GYS2: variants seen among roughly 807,000 people sequenced by gnomAD.
GYS2 encodes the protein glycogen [starch] synthase, liver.
GYS2 carries 80 observed loss-of-function variants against 85.6 expected under a neutral mutation model. That is an observed-to-expected ratio of 0.93 (90% CI 0.78 to 1.13). The LOEUF is 1.13. Ranked by LOEUF, GYS2 falls within the 50% of genes most tolerant of loss-of-function variation. The pLI, the probability that GYS2 is intolerant of heterozygous loss-of-function variation, is 0.00. For missense variants in GYS2, 881 were observed against 854.9 expected (o/e 1.03, Z -0.38); for synonymous variants, 328 against 300.7 (o/e 1.09, Z -0.94).
At chr12:21,568,832 C>T (rs745486449) in intron 5 of GYS2, 33 bp downstream of exon 5, 23 of 1,592,032 alleles carry the variant, frequency 1.4e-5, no homozygotes, top group Non-Finnish European at 1.8e-5. Context: ...TCATTCGGAA[C>T]TGAAAGATAG....
intron 3 of GYS2, 118 bp from the exon 4 acceptor site, chr12:21,574,444 C>A: frequency 1.3e-6 from 1 of 741,430 alleles, no homozygotes; most frequent in Non-Finnish European, 2.3e-6. Context: ...TTAAAGGAGT[C>A]GAAACATAAA....
chr12:21,542,403 G>A, intron 13 of GYS2, 93 bp downstream of exon 13: 1 of 820,204 alleles, frequency 1.2e-6, no homozygotes, highest in Non-Finnish European at 2.2e-6. Flanking sequence ...TAATTATCAG[G>A]ATAGCTTTAG....
At chr12:21,562,463 C>G (rs1215599245) in intron 7 of GYS2, among the ~76,000 whole-genome samples, 2 of 152,106 alleles carry the variant, frequency 1.3e-5, no homozygotes, top group Admixed American at 1.3e-4. Context: ...TAACAAGGTT[C>G]AGTATTAGGA....
chr12:21,555,401 A>T (rs1049267042), intron 11 of GYS2, among the ~76,000 whole-genome samples: 1 of 151,860 alleles, frequency 6.6e-6, no homozygotes, highest in Non-Finnish European at 1.5e-5. Context: ...TTATTATAGG[A>T]GGTGTGCTAG....
chr12:21,563,336 G>A lies in GYS2; in HGVS notation c.833C>T (p.Thr278Ile). The A allele has an allele frequency of 1.3e-6, 2 of 1,559,590 alleles. No individual in the cohort carries two copies. The highest frequency in any genetic ancestry group is 8.8e-7 in the Non-Finnish European group (1 of 1,130,412). ...HMLKRKPDVV[T>I]PNGLNVKKFS... ...TTTCTTAACATTCAAGCCGTTTGGA[G>A]TAACTACATCTAGAAAGGCAAAACA... The change falls in exon 6 of 16, where the codon ACT becomes ATT. Residue 278 changes from threonine (T) to isoleucine (I), a missense_variant. Transcript: ENST00000261195.
chr12:21,549,071 C>T (rs7485509), intron 11 of GYS2, among the ~76,000 whole-genome samples: 108,687 of 152,022 alleles, frequency 0.71, 39,733 homozygotes, highest in South Asian at 0.8. Flanking sequence ...ATGTGTTGTA[C>T]CTGTAGCCAT....
intron 5 of GYS2, among the ~76,000 whole-genome samples, chr12:21,568,152 A>T (rs1944344696): frequency 6.6e-6 from 1 of 152,162 alleles, no homozygotes; most frequent in South Asian, 2.1e-4. Flanking sequence ...GCTTCTTATA[A>T]CAATTCAGTG....
Position 21,540,544 on chromosome 12 carries a change from A to G in GYS2, c.1675T>C (p.Ser559Pro). ...AGCTGATTGCAAGAATCATCTGGAGAACGGAACCGCCTGTCAACGATGTAA... is the reference window on the plus strand; with the variant it reads ...AGCTGATTGCAAGAATCATCTGGAGGACGGAACCGCCTGTCAACGATGTAA... ...GIYIVDRRFR[S>P]PDDSCNQLTK... Residue 559 changes from serine (S) to proline (P), a missense_variant, in exon 14 of 16, where the codon TCT becomes CCT. Coordinates refer to ENST00000261195, the MANE Select transcript of GYS2 (RefSeq NM_021957.4). The G allele has an allele frequency of 6.2e-7, 1 of 1,614,084 alleles. No individual in the cohort carries two copies. The highest frequency in any genetic ancestry group is 8.5e-7 in the Non-Finnish European group (1 of 1,179,976).
Position 21,542,600 on chromosome 12 carries a change from G to C in GYS2, c.1550-9C>G, listed in dbSNP as rs745846615. 6.3e-7 allele frequency: 1 copy of C among 1,593,014 alleles called. No individual in the cohort carries two copies. Among genetic ancestry groups the C allele is most frequent in the Non-Finnish European group, 8.6e-7 (1 of 1,160,776 alleles). ...CATCACAGTGCATTCAGCTGCCAGG[G>C]GAAATAGACCAAAGCTTGGCTTCAG... On this transcript the variant is annotated splice_polypyrimidine_tract_variant and intron_variant, in intron 12 of 15. Transcript: ENST00000261195.
rs920340598 is a variant in GYS2 at position 21,582,282 on chromosome 12, G to A, written c.122-1759C>T. Among the ~76,000 whole-genome samples, 9 of 152,248 alleles carry A rather than the reference G, an allele frequency of 5.9e-5. 1 individual carries two copies. The highest frequency in any genetic ancestry group is 1.9e-4 in the East Asian group (1 of 5,174). On this transcript the variant is annotated intron_variant, in intron 1 of 15. Coordinates refer to ENST00000261195, the MANE Select transcript of GYS2 (RefSeq NM_021957.4). ...AAAGGAGATTAATATTTCAGTCAGT[G>A]GGCTGGGGAAGGCAGACCCACCCTT...
intron 2 of GYS2, among the ~76,000 whole-genome samples, chr12:21,577,144 T>G (rs1288078145): frequency 6.6e-6 from 1 of 152,162 alleles, no homozygotes; most frequent in African/African-American, 2.4e-5. Context: ...TTCAGTTGTT[T>G]CCATTATAAT....
downstream of GYS2, chr12:21,534,978 AG>A (rs1248982942): frequency 2.6e-5 from 4 of 152,288 alleles, no homozygotes; most frequent in African/African-American, 9.7e-5. Context: ...TCTCCTCACC[AG>A]CTTTTGTCGG....
intron 4 of GYS2, among the ~76,000 whole-genome samples, chr12:21,571,448 A>G (rs2136898578): frequency 6.6e-6 from 1 of 152,342 alleles, no homozygotes; most frequent in East Asian, 1.9e-4. Context: ...ATTCTGGATA[A>G]TGTGTATAGA....
At chr12:21,601,656 C>T (rs886511952) in intron 1 of GYS2, among the ~76,000 whole-genome samples, 1 of 152,108 alleles carries the variant, frequency 6.6e-6, no homozygotes, top group Non-Finnish European at 1.5e-5. Flanking sequence ...TTCCACGGTA[C>T]ACTGTATAGT....
intron 13 of GYS2, among the ~76,000 whole-genome samples, chr12:21,541,230 T>C (rs1191060334): frequency 8.6e-6 from 1 of 116,802 alleles, no homozygotes; most frequent in Admixed American, 1.3e-4. Flanking sequence ...ATCAGGCCAC[T>C]GCACTCCAGC....
chr12:21,571,684 C>T (rs959703746), intron 4 of GYS2, among the ~76,000 whole-genome samples: 2 of 152,034 alleles, frequency 1.3e-5, no homozygotes, highest in Admixed American at 6.6e-5. Context: ...AAAAAAAGGC[C>T]GGGAGTGGTG....
intron 4 of GYS2, among the ~76,000 whole-genome samples, chr12:21,572,303 TTTAA>T (rs1369168352): frequency 1.3e-5 from 2 of 152,204 alleles, no homozygotes; most frequent in Non-Finnish European, 2.9e-5. Context: ...TTTACAAAAG[TTTAA>T]TTATCTTATT....
Position 21,540,575 on chromosome 12 carries a change from T to C in GYS2, c.1646-2A>G, listed in dbSNP as rs1326038083. On this transcript the variant is annotated splice_acceptor_variant, in intron 13 of 15. Transcript: ENST00000261195. LOFTEE classifies it high-confidence loss of function. ...ACCGCCTGTCAACGATGTAAATACC[T>C]GAAGAACACAAAAGCCAAAGCACAA... 15 of 1,613,220 alleles carry C rather than the reference T, an allele frequency of 9.3e-6. No homozygotes were observed. The highest frequency in any genetic ancestry group is 1.3e-5 in the Non-Finnish European group (15 of 1,179,204).
intron 1 of GYS2, among the ~76,000 whole-genome samples, chr12:21,598,302 C>A (rs1277500836): frequency 6.6e-6 from 1 of 152,028 alleles, no homozygotes; most frequent in Non-Finnish European, 1.5e-5. Context: ...AACAAAATGT[C>A]ACATGTACCT....
Sources: allele counts gnomAD v4.1 joint callset (sites outside exome capture counted in the v4.1 genomes callset), GRCh38; gene constraint gnomAD v4.1.1; transcripts MANE v1.5; gene names NCBI Gene and HGNC (gene_info 2026-07-23, HGNC 2026-07-21).